SLC7A14: variants seen among roughly 807,000 people sequenced by gnomAD.
SLC7A14 encodes solute carrier family 7 member 14.
A neutral mutation model predicts 60.2 loss-of-function variants in SLC7A14; 37 were observed. The ratio of observed to expected loss-of-function variants is 0.61; its 90% CI spans 0.47 to 0.81. SLC7A14 has a LOEUF of 0.81. Among genes scored for constraint, SLC7A14 ranks in the 30% least tolerant of loss-of-function variants. SLC7A14 has a pLI of 0.00. For synonymous variants in SLC7A14, 399 were observed against 395.8 expected (o/e 1.01, Z -0.10); for missense variants, 886 against 982.7 (o/e 0.90, Z 1.32).
intron 3 of SLC7A14, among the ~76,000 whole-genome samples, chr3:170,499,805 C>T (rs1712545354): frequency 6.6e-6 from 1 of 152,210 alleles, no homozygotes; most frequent in African/African-American, 2.4e-5. Context: ...TCTTGAATTT[C>T]AGCTGTACTT....
intron 1 of SLC7A14, among the ~76,000 whole-genome samples, chr3:170,564,026 G>A (rs1208149122): frequency 6.6e-6 from 1 of 152,212 alleles, no homozygotes; most frequent in African/African-American, 2.4e-5. Flanking sequence ...ATGTGTGGGT[G>A]TGTAACATTT....
chr3:170,526,261 G>T (rs1413447316), intron 2 of SLC7A14, among the ~76,000 whole-genome samples: 3 of 151,712 alleles, frequency 2.0e-5, no homozygotes, highest in Non-Finnish European at 4.4e-5. Flanking sequence ...AATTAGCCGG[G>T]CGTGGTGGCG....
intron 2 of SLC7A14, among the ~76,000 whole-genome samples, chr3:170,525,876 G>C (rs1190490992): frequency 6.6e-6 from 1 of 152,188 alleles, no homozygotes; most frequent in Non-Finnish European, 1.5e-5. Flanking sequence ...TACGACAGCA[G>C]CCTGGCCAAC....
rs1711771269 is a variant in SLC7A14, at chr3:170,480,431, C to T, written c.1851G>A (p.Gln617=). Residue 617 remains glutamine (Q), a synonymous_variant, in exon 7 of 8, where the codon CAG becomes CAA. Transcript: ENST00000231706. The stretch of plus-strand genomic sequence containing the variant: ...GCAGCTTCTTGGGGTTCTCTGGCTG[C>T]TGCAGGATCACAAACACCAGGGTGC... The part of the protein sequence containing the change: ...LISTLVFVIL[Q]QPENPKKLPY... The T allele has an allele frequency of 6.2e-7, 1 of 1,613,714 alleles. No homozygotes were observed. The highest frequency in any genetic ancestry group is 8.5e-7 in the Non-Finnish European group (1 of 1,179,704).
In SLC7A14 at chr3:170,459,746, A is replaced by T. The variant is rs1739556298; in HGVS notation, c.*7309T>A. 1 of 152,200 alleles carries T rather than the reference A, an allele frequency of 6.6e-6. No homozygotes were observed. Among genetic ancestry groups the T allele is most frequent in the Non-Finnish European group, 1.5e-5 (1 of 68,040 alleles). 9.4% of individuals were successfully genotyped at this position (152,200 alleles called of 1,614,324 possible). A position where few individuals can be genotyped will look rare whatever the true frequency, so the allele number is the denominator to read the frequency against. On this transcript the variant is annotated 3_prime_UTR_variant, in exon 8 of 8. Transcript: ENST00000231706. The stretch of plus-strand genomic sequence containing the variant: ...ATGGAAAAAAAGTAACAGACTTCAG[A>T]TACTGGTTAAGGTTAACAAAATATG...
chr3:170,543,206 C>T (rs540864017), intron 1 of SLC7A14, among the ~76,000 whole-genome samples: 83 of 152,250 alleles, frequency 5.5e-4, no homozygotes, highest in Non-Finnish European at 5.3e-4. Context: ...CTGTGCCAAG[C>T]CAGGCTGCTG....
intron 1 of SLC7A14, among the ~76,000 whole-genome samples, chr3:170,540,519 G>C (rs901922642): frequency 6.6e-5 from 10 of 151,484 alleles, no homozygotes; most frequent in Non-Finnish European, 1.2e-4. Context: ...AATTTAAAAC[G>C]TTTTTGGAAA....
chr3:170,507,467 C>T (rs914787966), intron 2 of SLC7A14, among the ~76,000 whole-genome samples: 1 of 152,078 alleles, frequency 6.6e-6, no homozygotes, highest in African/African-American at 2.4e-5. Flanking sequence ...TGTGGAAGCC[C>T]GGAGACTGGG....
At chr3:170,484,171 C>G (rs970498897) in intron 5 of SLC7A14, among the ~76,000 whole-genome samples, 4 of 152,206 alleles carry the variant, frequency 2.6e-5, no homozygotes, top group African/African-American at 9.7e-5. Context: ...GATTATATGG[C>G]TGTCAGACAA....
intron 1 of SLC7A14, among the ~76,000 whole-genome samples, chr3:170,554,514 CAA>C (rs916516525): frequency 6.6e-6 from 1 of 152,236 alleles, no homozygotes; most frequent in Admixed American, 6.5e-5. Flanking sequence ...TTCATCTCCA[CAA>C]AGAGCCAGCA....
chr3:170,543,751 C>CTTTT (rs1177925466), intron 1 of SLC7A14, among the ~76,000 whole-genome samples: 16 of 136,742 alleles, frequency 1.2e-4, no homozygotes, highest in Admixed American at 1.5e-4. Flanking sequence ...TTCTTTCTTT[C>CTTTT]TTTTTTTTTT....
intron 4 of SLC7A14, among the ~76,000 whole-genome samples, chr3:170,495,459 C>G (rs1712354982): frequency 6.6e-6 from 1 of 152,206 alleles, no homozygotes; most frequent in South Asian, 2.1e-4. Context: ...CAGGGTGACC[C>G]AGAAGTCCTA....
intron 7 of SLC7A14, among the ~76,000 whole-genome samples, chr3:170,478,920 G>A (rs750555616): frequency 2.6e-5 from 4 of 151,928 alleles, no homozygotes; most frequent in East Asian, 1.9e-4. Flanking sequence ...TTGAGAGTTC[G>A]AGAACAGCCT....
chr3:170,580,987 A>C (rs1715219154), intron 1 of SLC7A14, among the ~76,000 whole-genome samples: 1 of 152,208 alleles, frequency 6.6e-6, no homozygotes, highest in Non-Finnish European at 1.5e-5. Flanking sequence ...TAGCATACAC[A>C]GATCAAAGTG....
At chr3:170,569,416 T>G (rs1485491657) in intron 1 of SLC7A14, among the ~76,000 whole-genome samples, 1 of 152,188 alleles carries the variant, frequency 6.6e-6, no homozygotes, top group Non-Finnish European at 1.5e-5. Flanking sequence ...GGTTTGCCAG[T>G]ATTTTATTGA....
chr3:170,552,400 C>A (rs1714375664), intron 1 of SLC7A14, among the ~76,000 whole-genome samples: 1 of 152,122 alleles, frequency 6.6e-6, no homozygotes, highest in Non-Finnish European at 1.5e-5. Flanking sequence ...TTCCATTGAT[C>A]TACATATCAA....
chr3:170,543,057 A>G (rs1343263366), intron 1 of SLC7A14, among the ~76,000 whole-genome samples: 1 of 152,216 alleles, frequency 6.6e-6, no homozygotes, highest in African/African-American at 2.4e-5. Flanking sequence ...TCCTTAAAGC[A>G]GAGGGCTAGA....
intron 4 of SLC7A14, chr3:170,495,753 T>A: frequency 1.7e-6 from 2 of 1,185,356 alleles, no homozygotes; most frequent in Non-Finnish European, 2.5e-6. Context: ...GTTTGCCTCC[T>A]TCATCGACAA....
chr3:170,568,604 A>G (rs1190364069), intron 1 of SLC7A14, among the ~76,000 whole-genome samples: 3 of 152,088 alleles, frequency 2.0e-5, no homozygotes, highest in African/African-American at 7.2e-5. Flanking sequence ...CTTGGGCAGT[A>G]TGGCCATTTT....
Sources: allele counts gnomAD v4.1 joint callset (sites outside exome capture counted in the v4.1 genomes callset), GRCh38; gene constraint gnomAD v4.1.1; transcripts MANE v1.5; gene names NCBI Gene and HGNC (gene_info 2026-07-23, HGNC 2026-07-21).